The following HHLA2 variants were observed in gnomAD, a reference collection of about 807,000 sequenced individuals.
HHLA2 encodes HHLA2 member of B7 family, also known as HERV-H LTR-associating protein 2.
In HHLA2, 48 loss-of-function variants were observed where a neutral mutation model predicts 45.9. The observed-to-expected ratio is 1.05, with a 90% confidence interval of 0.83 to 1.33. HHLA2 has a LOEUF of 1.33. Among genes scored for constraint, HHLA2 ranks in the 40% most tolerant of loss-of-function variants. HHLA2 has a pLI of 0.00. For synonymous variants in HHLA2, 161 were observed against 173.9 expected (o/e 0.93, Z 0.59); for missense variants, 462 against 494.3 (o/e 0.93, Z 0.62).
chr3:108,350,024 TA>T (rs1225547074), intron 3 of HHLA2, among the ~76,000 whole-genome samples: 1 of 152,216 alleles, frequency 6.6e-6, no homozygotes, highest in African/African-American at 2.4e-5. Flanking sequence ...AGGTTTTTTT[TA>T]ATGGCATATA....
At chr3:108,351,726 C>A in intron 3 of HHLA2, 62 bp from the exon 3 acceptor site, 1 of 1,010,496 alleles carries the variant, frequency 9.9e-7, no homozygotes, top group South Asian at 1.4e-5. Context: ...ATGTACCACT[C>A]TTTTCCAATT....
intron 3 of HHLA2, among the ~76,000 whole-genome samples, chr3:108,347,884 AC>A (rs1015731409): frequency 6.6e-6 from 1 of 152,152 alleles, no homozygotes; most frequent in Admixed American, 6.5e-5. Context: ...AGAATTTGGT[AC>A]TAGGTGAGAT....
intron 3 of HHLA2, among the ~76,000 whole-genome samples, chr3:108,345,529 CTT>C (rs2081645611): frequency 6.6e-6 from 1 of 152,194 alleles, no homozygotes. Flanking sequence ...TCTCTTGTCT[CTT>C]GGGCCCTCAA....
intron 3 of HHLA2, among the ~76,000 whole-genome samples, chr3:108,331,548 T>C (rs1464348958): frequency 2.0e-5 from 3 of 152,178 alleles, no homozygotes; most frequent in Non-Finnish European, 4.4e-5. Flanking sequence ...TCTCACACTG[T>C]AGAAATGAAA....
intron 8 of HHLA2, among the ~76,000 whole-genome samples, chr3:108,371,713 T>C (rs1005199196): frequency 1.3e-5 from 2 of 151,864 alleles, no homozygotes; most frequent in African/African-American, 4.8e-5. Flanking sequence ...CCAACAAAGA[T>C]CAAAAGAGAC....
At chr3:108,352,059 T>G (rs576551278) in intron 4 of HHLA2, among the ~76,000 whole-genome samples, 182 bp downstream of exon 3, 191 of 152,300 alleles carry the variant, frequency 1.3e-3, no homozygotes, top group Non-Finnish European at 2.1e-3. Flanking sequence ...ATATATATTT[T>G]TTCTGTCCAC....
chr3:108,377,393 C>T, exon 11 of HHLA2: 1 of 725,362 alleles, frequency 1.4e-6, no homozygotes, highest in Non-Finnish European at 2.4e-6. Context: ...GACAATTCTA[C>T]CACTGCAAAG....
At chr3:108,350,028 G>A (rs11916587) in intron 3 of HHLA2, among the ~76,000 whole-genome samples, 85,074 of 151,916 alleles carry the variant, frequency 0.56, 24,439 homozygotes, top group Middle Eastern at 0.63. Context: ...TTTTTTTAAT[G>A]GCATATAGAG....
chr3:108,344,891 T>C (rs529613438), intron 3 of HHLA2, among the ~76,000 whole-genome samples: 1 of 152,340 alleles, frequency 6.6e-6, no homozygotes, highest in Admixed American at 6.5e-5. Context: ...AGGAGGATTA[T>C]ATTATCTACC....
At chr3:108,336,138 G>T (rs910381754) in intron 3 of HHLA2, among the ~76,000 whole-genome samples, 2 of 152,024 alleles carry the variant, frequency 1.3e-5, no homozygotes, top group African/African-American at 4.8e-5. Context: ...CAAAAAGAAA[G>T]AATAAAGGCA....
intron 3 of HHLA2, among the ~76,000 whole-genome samples, chr3:108,338,129 CA>C (rs2081505957): frequency 6.6e-6 from 1 of 150,712 alleles, no homozygotes; most frequent in African/African-American, 2.5e-5. Flanking sequence ...AAATATATAT[CA>C]TAGATATCTA....
In HHLA2 at chr3:108,328,637, A is replaced by G. The variant is rs2081331400; in HGVS notation, c.-27+290A>G. On this transcript the variant is annotated intron_variant, in intron 3 of 10. Coordinates refer to ENST00000619531, the Ensembl canonical transcript of HHLA2. ...GGTGAATTTAGACTTTGCACACTAT[A>G]TTATTCTGAGAAATGGTAAATTTTG... Among the ~76,000 whole-genome samples, 4 of 152,140 alleles carry G rather than the reference A, an allele frequency of 2.6e-5. No homozygotes were observed. In the South Asian group the frequency reaches 8.3e-4, roughly 31 times the overall value.
chr3:108,375,508 G>A (rs1057423690), intron 8 of HHLA2, among the ~76,000 whole-genome samples: 4 of 151,628 alleles, frequency 2.6e-5, no homozygotes, highest in South Asian at 4.2e-4. Context: ...AAAATAAATT[G>A]TACATCAAGT....
chr3:108,324,074 T>C (rs994091252), intron 2 of HHLA2, among the ~76,000 whole-genome samples: 2 of 152,214 alleles, frequency 1.3e-5, no homozygotes, highest in Non-Finnish European at 2.9e-5. Flanking sequence ...ATGGTAACCC[T>C]ACTTTGTCTT....
chr3:108,311,157 C>T (rs1170009668), intron 2 of HHLA2, among the ~76,000 whole-genome samples: 2 of 152,132 alleles, frequency 1.3e-5, no homozygotes, highest in African/African-American at 4.8e-5. Flanking sequence ...GAGAACAACA[C>T]CTGGGAAGCT....
intron 2 of HHLA2, among the ~76,000 whole-genome samples, chr3:108,327,175 A>G (rs1003926481): frequency 6.6e-6 from 1 of 152,036 alleles, no homozygotes; most frequent in Non-Finnish European, 1.5e-5. Flanking sequence ...GGCTTCTATT[A>G]CCTGTGTTTA....
At chr3:108,303,095 T>G (rs2080876175) in intron 1 of HHLA2, among the ~76,000 whole-genome samples, 1 of 152,240 alleles carries the variant, frequency 6.6e-6, no homozygotes, top group Non-Finnish European at 1.5e-5. Flanking sequence ...GTTCTGAGTT[T>G]TCTGTATCAA....
chr3:108,373,497 G>A (rs1367280013), intron 8 of HHLA2, among the ~76,000 whole-genome samples: 4 of 152,080 alleles, frequency 2.6e-5, no homozygotes, highest in Non-Finnish European at 4.4e-5. Context: ...GCAGGAGAAG[G>A]AAATAAAGGG....
chr3:108,355,450 C>CA (rs1275183827), intron 6 of HHLA2, 69 bp downstream of exon 5: 24 of 1,487,218 alleles, frequency 1.6e-5, no homozygotes, highest in East Asian at 2.3e-5. Context: ...GACTGATTTG[C>CA]AAAAAAAGAA....
Sources: allele counts gnomAD v4.1 joint callset (sites outside exome capture counted in the v4.1 genomes callset), GRCh38; gene constraint gnomAD v4.1.1; transcripts MANE v1.5; gene names NCBI Gene and HGNC (gene_info 2026-07-23, HGNC 2026-07-21).